Variants in NALCN observed in about 807,000 individuals in gnomAD.
NALCN encodes the protein sodium leak channel, non-selective.
Under a neutral mutation model 225.3 loss-of-function variants are expected in NALCN, and 111 were observed. The ratio of observed to expected loss-of-function variants is 0.49; its 90% CI spans 0.42 to 0.58. The LOEUF (loss-of-function observed/expected upper bound fraction) is 0.58, where lower values mean the gene tolerates loss of function less well. NALCN is among the 20% of genes least tolerant of loss of function. The pLI is 0.00. For synonymous variants in NALCN, 764 were observed against 769.0 expected (o/e 0.99, Z 0.11); for missense variants, 1,378 against 2,202.4 (o/e 0.63, Z 7.49).
At chr13:101,100,915 T>A (rs750605325) in intron 26 of NALCN, 27 bp from the exon 27 acceptor site, 57 of 1,577,490 alleles carry the variant, frequency 3.6e-5, no homozygotes, top group Non-Finnish European at 4.8e-5. Flanking sequence ...AAATGTTAAA[T>A]CTCTTGTTAA....
chr13:101,258,540 A>G lies in NALCN; in HGVS notation c.1169T>C (p.Ile390Thr), dbSNP rs749331657. ...CACGTCCACGGTCACCATGCTCAGG[A>G]TGAACATGTGGAAAACGGATGACCG... The part of the protein sequence containing the change: ...MMRSSVFHMF[I>T]LSMVTVDVIV... Residue 390 changes from isoleucine to threonine, a missense_variant, in exon 11 of 44, where the codon ATC (isoleucine) becomes ACC (threonine). Physicochemically the swap from Ile to Thr is moderately conservative, Grantham distance 89 (BLOSUM62 -1). This residue lies in a region of NALCN where 144 missense variants were observed against 187.7 expected (regional missense o/e 0.77). Transcript: ENST00000251127. 1 of 1,614,140 alleles carries G rather than the reference A, an allele frequency of 6.2e-7. No homozygotes were observed. The highest frequency in any genetic ancestry group is 2.2e-5 in the East Asian group (1 of 44,884).
At chr13:101,094,933 A>G (rs2034424861) in intron 28 of NALCN, among the ~76,000 whole-genome samples, 2 of 152,246 alleles carry the variant, frequency 1.3e-5, no homozygotes, top group South Asian at 2.1e-4. Context: ...AGGACAAATG[A>G]AGGTGACAGA....
intron 6 of NALCN, among the ~76,000 whole-genome samples, chr13:101,347,363 T>C (rs1298577852): frequency 2.6e-5 from 4 of 152,122 alleles, no homozygotes; most frequent in African/African-American, 9.7e-5. Flanking sequence ...AGCTGGTCCT[T>C]TGGACCCCAT....
chr13:101,198,730 T>C (rs1208836054), intron 13 of NALCN, among the ~76,000 whole-genome samples: 1 of 152,204 alleles, frequency 6.6e-6, no homozygotes, highest in Non-Finnish European at 1.5e-5. Context: ...GAAGTCAGTG[T>C]GGCAATTCCT....
At chr13:101,187,265 T>C (rs897402629) in intron 14 of NALCN, among the ~76,000 whole-genome samples, 1 of 152,220 alleles carries the variant, frequency 6.6e-6, no homozygotes, top group South Asian at 2.1e-4. Flanking sequence ...TTAAACTTTA[T>C]CAAAGTTATG....
chr13:101,315,170 A>G (rs2044509739), intron 7 of NALCN, among the ~76,000 whole-genome samples: 1 of 152,192 alleles, frequency 6.6e-6, no homozygotes, highest in South Asian at 2.1e-4. Flanking sequence ...AAATATGATC[A>G]TATTCACAAA....
At chr13:101,171,519 T>C (rs1450815398) in intron 15 of NALCN, among the ~76,000 whole-genome samples, 3 of 152,102 alleles carry the variant, frequency 2.0e-5, no homozygotes, top group Admixed American at 2.0e-4. Context: ...TACTTCAATA[T>C]GGGGGTCATG....
chr13:101,258,617 C>A, intron 10 of NALCN, 43 bp from the exon 11 acceptor site: 2 of 1,612,590 alleles, frequency 1.2e-6, no homozygotes, highest in Non-Finnish European at 1.7e-6. Flanking sequence ...AGAAATAAAC[C>A]TCATGATTAA....
At chr13:101,058,839 G>A (rs988508128) in intron 42 of NALCN, 5 of 152,236 alleles carry the variant, frequency 3.3e-5, no homozygotes, top group African/African-American at 1.2e-4. Flanking sequence ...CCAGTGGCAA[G>A]GCCACTGCAG....
intron 6 of NALCN, among the ~76,000 whole-genome samples, chr13:101,360,189 C>CCTGT (rs1249470775): frequency 1.1e-5 from 1 of 89,242 alleles, no homozygotes; most frequent in Non-Finnish European, 2.3e-5. Context: ...TTCCTCTCTT[C>CCTGT]CTCTCTCTCT....
intron 7 of NALCN, among the ~76,000 whole-genome samples, chr13:101,310,295 T>C (rs941237690): frequency 3.3e-5 from 5 of 152,212 alleles, no homozygotes; most frequent in African/African-American, 1.2e-4. Context: ...CTCTACGTGA[T>C]CCATTCCTTG....
intron 7 of NALCN, among the ~76,000 whole-genome samples, chr13:101,315,955 C>A (rs1398638751): frequency 5.9e-5 from 9 of 152,036 alleles, no homozygotes; most frequent in Non-Finnish European, 5.9e-5. Context: ...CCTGAAATGA[C>A]CAGTGATGGG....
At chr13:101,275,221 C>T (rs569170071) in intron 10 of NALCN, among the ~76,000 whole-genome samples, 8 of 152,094 alleles carry the variant, frequency 5.3e-5, no homozygotes, top group Admixed American at 1.3e-4. Context: ...TCATTACACC[C>T]AGTCACAATC....
chr13:101,118,961 C>T (rs554300827), intron 18 of NALCN, among the ~76,000 whole-genome samples: 40 of 152,242 alleles, frequency 2.6e-4, no homozygotes, highest in African/African-American at 9.4e-4. Flanking sequence ...TGCGGAGCTG[C>T]AGAGAAATAA....
chr13:101,078,198 G>A (rs184273915), intron 34 of NALCN, among the ~76,000 whole-genome samples: 36 of 152,300 alleles, frequency 2.4e-4, no homozygotes, highest in East Asian at 5.8e-4. Context: ...GGGGCAGTGC[G>A]GAAGGAAAAT....
intron 7 of NALCN, among the ~76,000 whole-genome samples, chr13:101,313,591 A>G (rs1376295194): frequency 1.3e-5 from 2 of 152,222 alleles, no homozygotes; most frequent in South Asian, 2.1e-4. Context: ...ATCACTGGCC[A>G]TCAGAGAACT....
intron 27 of NALCN, among the ~76,000 whole-genome samples, chr13:101,099,063 A>G (rs2034668038): frequency 6.6e-6 from 1 of 151,792 alleles, no homozygotes; most frequent in Non-Finnish European, 1.5e-5. Flanking sequence ...CCATGCTCTT[A>G]GGCCACTGTT....
chr13:101,242,347 A>C lies in NALCN; in HGVS notation c.1267-4425T>G, dbSNP rs2041782458. Among the ~76,000 whole-genome samples the C allele has an allele frequency of 1.9e-5, 2 of 104,248 alleles. 1 individual carries two copies. The highest frequency in any genetic ancestry group is 6.9e-5 in the African/African-American group (2 of 28,984). 68.4% of individuals were successfully genotyped at this position (104,248 alleles called of 152,430 possible). ...TGCTAATTTCTTTCCCTATTCATTA[A>C]TTTGGACGCTCGACTTGGTTTTTCT... On this transcript the variant is annotated intron_variant, in intron 11 of 43. Transcript: ENST00000251127.
At chr13:101,380,403 A>T (rs552846388) in intron 3 of NALCN, among the ~76,000 whole-genome samples, 3 of 152,272 alleles carry the variant, frequency 2.0e-5, no homozygotes, top group East Asian at 1.9e-4. Flanking sequence ...ATGGGAATTT[A>T]AAAAATGCCT....
Sources: allele counts gnomAD v4.1 joint callset (sites outside exome capture counted in the v4.1 genomes callset), GRCh38; gene constraint gnomAD v4.1.1; regional missense constraint gnomAD v4.1.1; transcripts MANE v1.5; gene names NCBI Gene and HGNC (gene_info 2026-07-23, HGNC 2026-07-21).